Variants in SSC4D observed in about 807,000 individuals in gnomAD.
SSC4D encodes the protein scavenger receptor cysteine-rich domain-containing group B protein.
In SSC4D, 57 loss-of-function variants were observed where a neutral mutation model predicts 63.4. That is an observed-to-expected ratio of 0.90 (90% CI 0.73 to 1.12). The LOEUF is 1.12. Among genes scored for constraint, SSC4D ranks in the 50% most tolerant of loss-of-function variants. The pLI is 0.00. For missense variants in SSC4D, 791 were observed against 806.4 expected (o/e 0.98, Z 0.23); for synonymous variants, 352 against 345.4 (o/e 1.02, Z -0.21).
intron 2 of SSC4D, 34 bp from the exon 3 acceptor site, chr7:76,401,077 T>C: frequency 6.6e-7 from 1 of 1,519,856 alleles, no homozygotes; most frequent in Non-Finnish European, 8.9e-7. Context: ...TTGGCCCCTC[T>C]GCCCACACCA....
intron 10 of SSC4D, among the ~76,000 whole-genome samples, chr7:76,390,686 G>A (rs1000692624): frequency 4.6e-5 from 7 of 152,272 alleles, no homozygotes; most frequent in Middle Eastern, 3.4e-3. Context: ...GCGTGGTGGC[G>A]GGTGCCTGTG....
At chr7:76,393,297 C>T (rs1210012207) in intron 9 of SSC4D, 108 bp downstream of exon 9, 2 of 1,170,602 alleles carry the variant, frequency 1.7e-6, no homozygotes, top group Non-Finnish European at 1.1e-6. Flanking sequence ...GCGCATGCTC[C>T]CCGGGCGGCA....
intron 5 of SSC4D, 48 bp downstream of exon 5, chr7:76,398,672 A>T: frequency 1.3e-6 from 2 of 1,584,090 alleles, no homozygotes; most frequent in Middle Eastern, 1.7e-4. Flanking sequence ...AGGGTGTGAG[A>T]GACTCCTCTC....
intron 2 of SSC4D, among the ~76,000 whole-genome samples, chr7:76,401,868 T>C (rs1001060809): frequency 3.3e-5 from 5 of 152,196 alleles, no homozygotes; most frequent in Non-Finnish European, 7.3e-5. Context: ...TGGCCATGCC[T>C]GTCTCAACTC....
At chr7:76,399,852 G>A (rs1190779661) in intron 4 of SSC4D, among the ~76,000 whole-genome samples, 1 of 151,938 alleles carries the variant, frequency 6.6e-6, no homozygotes, top group Admixed American at 6.6e-5. Flanking sequence ...CTAGGAGAGG[G>A]GAACCAGTGG....
intron 1 of SSC4D, among the ~76,000 whole-genome samples, chr7:76,407,974 C>T (rs372269114): frequency 1.3e-5 from 2 of 152,010 alleles, no homozygotes; most frequent in East Asian, 1.9e-4. Context: ...AGGAGAGATG[C>T]GAAGGATATG....
chr7:76,395,878 A>G lies in SSC4D; in HGVS notation c.869-548T>C, dbSNP rs1039181221. 2.0e-5 allele frequency among the ~76,000 whole-genome samples: 3 copies of G among 152,328 alleles called. No individual in the cohort carries two copies. The East Asian group carries it at 5.8e-4, about 29-fold the overall frequency. On this transcript the variant is annotated intron_variant, in intron 6 of 10. Transcript: ENST00000275560. The stretch of plus-strand genomic sequence containing the variant: ...GGCTAATTTTTGTATTTTTTTTAGT[A>G]GAGATGGGGTTTCACCATGCTGGCT...
intron 10 of SSC4D, among the ~76,000 whole-genome samples, chr7:76,390,644 C>T (rs1804476219): frequency 6.6e-6 from 1 of 152,076 alleles, no homozygotes; most frequent in African/African-American, 2.4e-5. Flanking sequence ...GGTGAAACCC[C>T]GTCTCTACTA....
At chr7:76,407,056 G>A (rs1170902653) in intron 1 of SSC4D, among the ~76,000 whole-genome samples, 2 of 152,078 alleles carry the variant, frequency 1.3e-5, no homozygotes, top group Admixed American at 6.6e-5. Context: ...CACCTCCTGG[G>A]TTCAAGGAAT....
intron 9 of SSC4D, 123 bp from the exon 10 acceptor site, chr7:76,392,164 G>C: frequency 1.1e-6 from 1 of 931,140 alleles, no homozygotes; most frequent in South Asian, 1.7e-5. Context: ...GACTTCACAG[G>C]TTCCTGAAGA....
At chr7:76,397,122 A>G (rs1306850874) in intron 6 of SSC4D, among the ~76,000 whole-genome samples, 1 of 151,958 alleles carries the variant, frequency 6.6e-6, no homozygotes, top group Non-Finnish European at 1.5e-5. Context: ...TGTCTCTGTC[A>G]CCCTGGCTGG....
In SSC4D at chr7:76,393,424, G is replaced by A; in HGVS notation, c.1314C>T (p.Asp438=). 6.7e-7 allele frequency: 1 copy of A among 1,493,050 alleles called. No individual in the cohort carries two copies. Among genetic ancestry groups the A allele is most frequent in the Non-Finnish European group, 8.9e-7 (1 of 1,125,770 alleles). The allele number at this position is 1,493,050 out of a possible 1,614,324, so 92.5% of individuals were successfully genotyped here. Residue 438 remains aspartate, a synonymous_variant, in exon 9 of 11, where the codon GAC becomes GAT. Coordinates refer to ENST00000275560, the MANE Select transcript of SSC4D (RefSeq NM_080744.2). ...WGQHNCGHHE[D]AGALCAGPEE... ...CCTCACCTGCGCAGAGCGCTCCCGC[G>A]TCCTCGTGGTGGCCGCAGTTGTGCT...
At chr7:76,398,658 G>C (rs1804717716) in intron 5 of SSC4D, 62 bp downstream of exon 5, 1 of 1,528,418 alleles carries the variant, frequency 6.5e-7, no homozygotes, top group Admixed American at 1.7e-5. Flanking sequence ...CCACTGCCTA[G>C]GGTAGGGTGT....
chr7:76,408,238 G>A (rs1805106535), intron 1 of SSC4D, among the ~76,000 whole-genome samples: 1 of 152,076 alleles, frequency 6.6e-6, no homozygotes, highest in South Asian at 2.1e-4. Context: ...AGTCTGGTTG[G>A]GGAGAAGATG....
At chr7:76,399,460 T>C (rs1804743286) in intron 4 of SSC4D, among the ~76,000 whole-genome samples, 1 of 152,148 alleles carries the variant, frequency 6.6e-6, no homozygotes, top group Admixed American at 6.6e-5. Context: ...TCTTGAAAAC[T>C]AGAAGCACTG....
Position 76,397,726 on chromosome 7 carries a change from C to A in SSC4D, c.660G>T (p.Leu220=). The change falls in exon 6 of 11, where the codon CTG becomes CTT. Residue 220 remains leucine, a synonymous_variant. Coordinates refer to ENST00000275560, the MANE Select transcript of SSC4D (RefSeq NM_080744.2). ...WGTVCDDDWG[L]PDAAVVCRQL... The stretch of plus-strand genomic sequence containing the variant: ...GACGACAGACCACAGCGGCATCCGG[C>A]AGCCCCCAGTCGTCGTCACACACGG... 1 of 1,613,408 alleles carries A rather than the reference C, an allele frequency of 6.2e-7. No individual in the cohort carries two copies.
At position 76,400,417 on chromosome 7, in the gene SSC4D, T is replaced by TGGCCAAA. The variant is rs781500691; in HGVS notation, c.337_343dup (p.Gln115LeufsTer46). 1 of 1,605,048 alleles carries TGGCCAAA rather than the reference T, an allele frequency of 6.2e-7. No homozygotes were observed. Among genetic ancestry groups the TGGCCAAA allele is most frequent in the South Asian group, 1.1e-5 (1 of 90,696 alleles). ...GTCCAGCAGGATGGGGCCTCGGCCT[T>TGGCCAAA]GGCCAAAGGCAAGGGGCCGTGGCAC... is the stretch of plus-strand genomic sequence containing the variant. On this transcript the variant is annotated frameshift_variant, in exon 4 of 11. Transcript: ENST00000275560. LOFTEE classifies it high-confidence loss of function.
intron 4 of SSC4D, among the ~76,000 whole-genome samples, chr7:76,399,703 T>C (rs1236113310): frequency 2.0e-5 from 3 of 152,028 alleles, no homozygotes; most frequent in African/African-American, 7.2e-5. Flanking sequence ...ATTTTTCTGA[T>C]TTTTCGTAGA....
chr7:76,405,339 C>CTTTCTTTCTTTTT (rs1271510975), intron 1 of SSC4D, among the ~76,000 whole-genome samples: 1 of 21,394 alleles, frequency 4.7e-5, no homozygotes, highest in African/African-American at 2.1e-4. Flanking sequence ...TTCTTTCTTT[C>CTTTCTTTCTTTTT]TTTTTTTTTT....
Sources: allele counts gnomAD v4.1 joint callset (sites outside exome capture counted in the v4.1 genomes callset), GRCh38; gene constraint gnomAD v4.1.1; transcripts MANE v1.5; gene names NCBI Gene and HGNC (gene_info 2026-07-23, HGNC 2026-07-21).